Variants in PDXDC1 observed in about 807,000 individuals in gnomAD.
PDXDC1 encodes pyridoxal dependent decarboxylase domain containing 1.
A neutral mutation model predicts 100.1 loss-of-function variants in PDXDC1; 42 were observed. That is an observed-to-expected ratio of 0.42 (90% CI 0.33 to 0.54). PDXDC1 has a LOEUF of 0.54. PDXDC1 is among the 20% of genes least tolerant of loss of function. The pLI is 0.10. For missense variants in PDXDC1, 636 were observed against 979.2 expected (o/e 0.65, Z 4.68); for synonymous variants, 260 against 371.7 (o/e 0.70, Z 3.46).
chr16:15,084,023 G>C (rs1224701332), intron 16 of PDXDC1, among the ~76,000 whole-genome samples: 3 of 152,026 alleles, frequency 2.0e-5, no homozygotes, highest in Non-Finnish European at 4.4e-5. Context: ...GCCAGAACTG[G>C]AACTTACAAT....
chr16:15,146,113 A>G, the PDXDC1 span, among the ~76,000 whole-genome samples: 1 of 152,180 alleles, frequency 6.6e-6, no homozygotes, highest in Non-Finnish European at 1.5e-5. Flanking sequence ...GTGCCCGGCC[A>G]CTGTCACGAG....
intron 16 of PDXDC1, chr16:15,126,023 C>T: frequency 1.7e-6 from 1 of 593,388 alleles, no homozygotes; most frequent in Non-Finnish European, 3.0e-6. Context: ...AGCTAAGGAA[C>T]AGAGTTTTCA....
chr16:15,125,876 C>A (rs1429443080), intron 16 of PDXDC1: 28 of 766,694 alleles, frequency 3.7e-5, no homozygotes, highest in Non-Finnish European at 5.9e-5. Flanking sequence ...GAGAAGCCAC[C>A]TCCTCAGCAG....
chr16:15,036,198 A>C lies in PDXDC1; in HGVS notation c.2290A>C (p.Thr764Pro). ...GAPSPQHTDQ[T>P]EAFQKGVPHP... ...TCCCAGCCCTCAGCACACCGACCAG[A>C]CCGAGGCCTTCCAGAAAGGGGTCCC... Residue 764 changes from threonine to proline, a missense_variant, in exon 23 of 23, where the codon ACC becomes CCC. Physicochemically the swap from Thr to Pro is conservative, Grantham distance 38. This residue lies in a region of PDXDC1 where 452 missense variants were observed against 402.9 expected (regional missense o/e 1.12). Coordinates refer to ENST00000396410, the MANE Select transcript of PDXDC1 (RefSeq NM_015027.4). 6.2e-7 allele frequency: 1 copy of C among 1,614,160 alleles called. No homozygotes were observed. The highest frequency in any genetic ancestry group is 8.5e-7 in the Non-Finnish European group (1 of 1,180,016).
rs2048393993 is a variant in PDXDC1 at position 15,137,703 on chromosome 16, G to C, written c.1400-1176G>C. On this transcript the variant is annotated intron_variant, in intron 16 of 16. Transcript: ENST00000535621. Reference sequence around the variant, plus strand: ...CCCTGCCCAGTGTCTGCAGGGCCCAGGTCCCACCTGGCTGGGAAGGACAGA... The same window carrying C: ...CCCTGCCCAGTGTCTGCAGGGCCCACGTCCCACCTGGCTGGGAAGGACAGA... 1.7e-5 allele frequency: 19 copies of C among 1,124,344 alleles called. No individual in the cohort carries two copies. In the Admixed American group the frequency reaches 3.8e-4, roughly 22 times the overall value. The allele number at this position is 1,124,344 out of a possible 1,614,324, so 69.6% of individuals were successfully genotyped here. A position where few individuals can be genotyped will look rare whatever the true frequency, so the allele number is the denominator to read the frequency against.
chr16:15,074,713 T>C (rs2045376636), intron 16 of PDXDC1: 1 of 1,608,062 alleles, frequency 6.2e-7, no homozygotes, highest in African/African-American at 1.3e-5. Context: ...CAGTAGCTAC[T>C]GTGATTTACC....
intron 5 of PDXDC1, among the ~76,000 whole-genome samples, chr16:15,006,055 A>T (rs1479404077): frequency 3.3e-5 from 5 of 152,300 alleles, no homozygotes; most frequent in African/African-American, 1.2e-4. Context: ...GCTATGAACT[A>T]TGCCTGTGTT....
At chr16:15,140,773 C>T (rs1227124314), downstream of PDXDC1, among the ~76,000 whole-genome samples, 3 of 152,152 alleles carry the variant, frequency 2.0e-5, no homozygotes, top group Admixed American at 6.5e-5. Context: ...GTCACCCTGC[C>T]GCCCACCCTG....
intron 1 of PDXDC1, among the ~76,000 whole-genome samples, chr16:14,993,280 T>C (rs1286844807): frequency 6.6e-6 from 1 of 151,288 alleles, no homozygotes; most frequent in African/African-American, 2.4e-5. Context: ...CTCCTAATGC[T>C]ATCCCTCCTC....
intron 16 of PDXDC1, among the ~76,000 whole-genome samples, chr16:15,068,698 G>C (rs569813165): frequency 1.3e-5 from 2 of 152,184 alleles, no homozygotes; most frequent in Admixed American, 6.5e-5. Context: ...GCTGAGTGCT[G>C]TTTTCAGGTG....
intron 16 of PDXDC1, chr16:15,136,036 T>C (rs906598332): frequency 7.5e-5 from 117 of 1,551,540 alleles, no homozygotes; most frequent in South Asian, 1.0e-4. Context: ...GGGCAGCCAG[T>C]TCTGGCAGCT....
intron 8 of PDXDC1, among the ~76,000 whole-genome samples, chr16:15,014,363 G>A (rs1279991971): frequency 6.6e-6 from 1 of 152,286 alleles, no homozygotes; most frequent in East Asian, 1.9e-4. Flanking sequence ...GCATGTGACT[G>A]AGTGACTTGC....
At chr16:15,096,139 C>G (rs991079506) in intron 16 of PDXDC1, among the ~76,000 whole-genome samples, 7 of 151,598 alleles carry the variant, frequency 4.6e-5, no homozygotes, top group African/African-American at 1.7e-4. Flanking sequence ...GACAGAGTCT[C>G]GCTCTGTCAC....
At chr16:15,110,190 C>T (rs1478799061) in intron 16 of PDXDC1, among the ~76,000 whole-genome samples, 1 of 149,270 alleles carries the variant, frequency 6.7e-6, no homozygotes, top group African/African-American at 2.4e-5. Context: ...AAAACCAATG[C>T]CAGTACTAGC....
intron 16 of PDXDC1, among the ~76,000 whole-genome samples, chr16:15,073,645 G>C (rs748378764): frequency 2.6e-5 from 4 of 152,154 alleles, no homozygotes; most frequent in Admixed American, 1.3e-4. Flanking sequence ...CATTCGTGTA[G>C]CAAAAGACCT....
At chr16:15,098,373 G>C (rs1745465829) in intron 16 of PDXDC1, among the ~76,000 whole-genome samples, 1 of 150,270 alleles carries the variant, frequency 6.7e-6, no homozygotes, top group Admixed American at 6.6e-5. Flanking sequence ...GCTAATTTTT[G>C]TATTTTTAGT....
At chr16:15,140,769 C>T (rs2048460329), downstream of PDXDC1, among the ~76,000 whole-genome samples, 4 of 152,238 alleles carry the variant, frequency 2.6e-5, no homozygotes, top group South Asian at 8.3e-4. Flanking sequence ...GGGGGTCACC[C>T]TGCCGCCCAC....
intron 16 of PDXDC1, among the ~76,000 whole-genome samples, chr16:15,111,041 C>T (rs1419682361): frequency 6.8e-6 from 1 of 147,964 alleles, no homozygotes; most frequent in Non-Finnish European, 1.5e-5. Context: ...AGGCAGAGAA[C>T]CGTTTGAAGC....
At chr16:14,986,501 G>A (rs1189289264) in intron 1 of PDXDC1, among the ~76,000 whole-genome samples, 3 of 152,284 alleles carry the variant, frequency 2.0e-5, no homozygotes, top group Non-Finnish European at 2.9e-5. Flanking sequence ...CAGTGAGCAT[G>A]CAATTGAATG....
Sources: gnomAD v4.1 joint callset for allele counts (sites outside exome capture counted in the v4.1 genomes callset) on GRCh38, gnomAD v4.1.1 for gene constraint, gnomAD v4.1.1 regional missense constraint, MANE v1.5 for transcripts, NCBI Gene and HGNC (gene_info 2026-07-23, HGNC 2026-07-21) for gene names.